Variants in PARK7 observed in about 807,000 individuals in gnomAD.
PARK7 encodes Parkinsonism associated deglycase.
A neutral mutation model predicts 20.5 loss-of-function variants in PARK7; 14 were observed. That is an observed-to-expected ratio of 0.68 (90% confidence interval 0.45 to 1.07). The LOEUF is 1.07. PARK7 is among the 50% of genes least tolerant of loss of function. The pLI is 0.00. For synonymous variants in PARK7, 98 were observed against 84.3 expected (o/e 1.16, Z -0.89); for missense variants, 234 against 238.1 (o/e 0.98, Z 0.11).
chr1:7,976,723 A>AT (rs1640590377), intron 5 of PARK7, among the ~76,000 whole-genome samples: 1 of 151,972 alleles, frequency 6.6e-6, no homozygotes, highest in Non-Finnish European at 1.5e-5. Flanking sequence ...TTATTTATTT[A>AT]TTTTTTATTT....
intron 6 of PARK7, among the ~76,000 whole-genome samples, chr1:7,980,257 A>G (rs1640683406): frequency 6.6e-6 from 1 of 151,744 alleles, no homozygotes; most frequent in Non-Finnish European, 1.5e-5. Flanking sequence ...TCATGGAGGG[A>G]TTTTAGAGCG....
At chr1:7,969,453 A>C (rs911594179) in intron 4 of PARK7, 49 bp downstream of exon 4, 6 of 1,253,700 alleles carry the variant, frequency 4.8e-6, no homozygotes, top group Non-Finnish European at 7.0e-6. Flanking sequence ...GGGGGGGGAA[A>C]AACTAAAGAA....
At chr1:7,983,200 A>C (rs1640747103) in intron 6 of PARK7, among the ~76,000 whole-genome samples, 1 of 152,242 alleles carries the variant, frequency 6.6e-6, no homozygotes, top group African/African-American at 2.4e-5. Context: ...GAACAGAAGA[A>C]GGAAGAAGAG....
chr1:7,973,962 A>G (rs1640518727), intron 5 of PARK7, among the ~76,000 whole-genome samples: 1 of 151,730 alleles, frequency 6.6e-6, no homozygotes, highest in Middle Eastern at 3.4e-3. Flanking sequence ...TGCTGAGGCT[A>G]GATGGAATGC....
At chr1:7,978,844 C>CAA (rs368607562) in intron 6 of PARK7, among the ~76,000 whole-genome samples, 42 of 107,100 alleles carry the variant, frequency 3.9e-4, no homozygotes, top group African/African-American at 1.3e-3. Flanking sequence ...AAGACCCTAT[C>CAA]AAAAAAAAAA....
At chr1:7,970,580 A>G (rs1640444576) in intron 4 of PARK7, among the ~76,000 whole-genome samples, 1 of 152,226 alleles carries the variant, frequency 6.6e-6, no homozygotes, top group South Asian at 2.1e-4. Context: ...TGCCATCTGA[A>G]AACACCCAAA....
In PARK7 at chr1:7,984,090, G is replaced by A. The variant is rs1323156741; in HGVS notation, c.410-804G>A. ...GTTTTTGTTGATGCTGAAACTGAAGGAGCAAGGAACTGGAAAGAGCTGGTC... is the reference window on the plus strand; with the variant it reads ...GTTTTTGTTGATGCTGAAACTGAAGAAGCAAGGAACTGGAAAGAGCTGGTC... On this transcript the variant is annotated intron_variant, in intron 6 of 6. Coordinates refer to ENST00000338639, the MANE Select transcript of PARK7 (RefSeq NM_007262.5). The surrounding 1 kb of genome is among the most constrained non-coding windows in gnomAD (Gnocchi z 4.3). Among the ~76,000 whole-genome samples the A allele has an allele frequency of 1.3e-5, 2 of 152,246 alleles. No homozygotes were observed. The highest frequency in any genetic ancestry group is 1.9e-4 in the East Asian group (1 of 5,178).
chr1:7,980,203 G>C (rs1640682491), intron 6 of PARK7, among the ~76,000 whole-genome samples: 1 of 151,596 alleles, frequency 6.6e-6, no homozygotes, highest in Admixed American at 6.6e-5. Context: ...AAAAGTCTCT[G>C]GTTTCTGGGC....
At chr1:7,963,950 G>A (rs1166554352) in intron 2 of PARK7, among the ~76,000 whole-genome samples, 2 of 151,736 alleles carry the variant, frequency 1.3e-5, no homozygotes, top group Non-Finnish European at 2.9e-5. Flanking sequence ...CAAGTAGCTG[G>A]GATTACAGGT....
chr1:7,971,916 C>G (rs987307094), intron 5 of PARK7: 1 of 151,148 alleles, frequency 6.6e-6, no homozygotes, highest in Non-Finnish European at 1.5e-5. Flanking sequence ...CTGGGGGACA[C>G]GAGCGAGACT....
chr1:7,974,140 C>G (rs1027180222), intron 5 of PARK7, among the ~76,000 whole-genome samples: 12 of 148,394 alleles, frequency 8.1e-5, no homozygotes, highest in African/African-American at 2.2e-4. Flanking sequence ...TGAGACCCCC[C>G]CACCGACCTC....
intron 5 of PARK7, among the ~76,000 whole-genome samples, chr1:7,975,412 G>A (rs951861040): frequency 6.6e-6 from 1 of 152,158 alleles, no homozygotes; most frequent in Admixed American, 6.5e-5. Context: ...TGGAGGAGCT[G>A]GGGAGTTGGC....
Position 7,985,239 on chromosome 1 carries a change from T to A in PARK7, c.*185T>A, listed in dbSNP as rs1640796249. ...CAGCCTACAAATTGTGTCTATACAT[T>A]TCTAAGCCTTGTTTGCAGAATAAAC... On this transcript the variant is annotated 3_prime_UTR_variant, in exon 7 of 7. Coordinates refer to ENST00000338639, the MANE Select transcript of PARK7 (RefSeq NM_007262.5). The A allele has an allele frequency of 1.3e-6, 1 of 761,308 alleles. No homozygotes were observed. The highest frequency in any genetic ancestry group is 2.1e-6 in the Non-Finnish European group (1 of 467,818). 47.2% of individuals were successfully genotyped at this position (761,308 alleles called of 1,614,324 possible). A position where few individuals can be genotyped will look rare whatever the true frequency, so the allele number is the denominator to read the frequency against.
chr1:7,978,392 G>GTT (rs34698566), intron 6 of PARK7, among the ~76,000 whole-genome samples: 2 of 136,256 alleles, frequency 1.5e-5, no homozygotes, highest in African/African-American at 2.7e-5. Flanking sequence ...CCTGTGTGTG[G>GTT]TTTTTTTTTT....
At chr1:7,972,597 G>A (rs1174373509) in intron 5 of PARK7, among the ~76,000 whole-genome samples, 1 of 152,098 alleles carries the variant, frequency 6.6e-6, no homozygotes, top group Non-Finnish European at 1.5e-5. Flanking sequence ...AAAAGTAATT[G>A]TGGTTTTTGC....
chr1:7,982,432 C>A (rs760005623), intron 6 of PARK7, among the ~76,000 whole-genome samples: 1 of 152,186 alleles, frequency 6.6e-6, no homozygotes, highest in East Asian at 1.9e-4. Flanking sequence ...GCCTCCAGTT[C>A]GCACAGTGCC....
chr1:7,981,275 T>G (rs1028581280), intron 6 of PARK7, among the ~76,000 whole-genome samples: 6 of 152,200 alleles, frequency 3.9e-5, no homozygotes, highest in Admixed American at 2.6e-4. Flanking sequence ...GTGAAAAGAC[T>G]TCCCTCACCT....
At chr1:7,971,946 A>G (rs1470135669) in intron 5 of PARK7, 1 of 152,202 alleles carries the variant, frequency 6.6e-6, no homozygotes, top group African/African-American at 2.4e-5. Flanking sequence ...AAAAAAAATA[A>G]AATAAAATAA....
At chr1:7,979,103 G>A (rs113983996) in intron 6 of PARK7, among the ~76,000 whole-genome samples, 5,480 of 152,112 alleles carry the variant, frequency 0.036, 137 homozygotes, top group Non-Finnish European at 0.054. Context: ...CCTGGGGGTG[G>A]GCATGAAGGT....
Sources: gnomAD v4.1 joint callset for allele counts (sites outside exome capture counted in the v4.1 genomes callset) on GRCh38, gnomAD v4.1.1 for gene constraint, Gnocchi (gnomAD v3.1) non-coding constraint, MANE v1.5 for transcripts, NCBI Gene and HGNC (gene_info 2026-07-23, HGNC 2026-07-21) for gene names.